The following CLIP1 variants were observed in gnomAD, a reference collection of about 807,000 sequenced individuals.
The protein encoded by CLIP1 is CAP-Gly domain containing linker protein 1, also known as CAP-Gly domain-containing linker protein 1.
In CLIP1, 66 loss-of-function variants were observed where a neutral mutation model predicts 161.6. The ratio of observed to expected loss-of-function variants is 0.41; its 90% CI spans 0.33 to 0.50. The LOEUF (loss-of-function observed/expected upper bound fraction) is 0.50. Ranked by LOEUF, CLIP1 falls within the 20% of genes least tolerant of loss-of-function variation. CLIP1 has a pLI of 0.27. For synonymous variants in CLIP1, 598 were observed against 626.2 expected (o/e 0.96, Z 0.67); for missense variants, 1,376 against 1,702.0 (o/e 0.81, Z 3.37).
At chr12:122,276,543 A>G in intron 24 of CLIP1, 3 of 1,213,736 alleles carry the variant, frequency 2.5e-6, no homozygotes, top group Non-Finnish European at 3.2e-6. Context: ...CCCAGTAGAC[A>G]TACAAAGAGG....
At position 122,330,597 on chromosome 12, in the gene CLIP1, G is replaced by GTTTTTTTTTTTTTTTTTTT. The variant is rs71082966; in HGVS notation, c.2868-2190_2868-2172dup. Among the ~76,000 whole-genome samples, 54 of 101,380 alleles carry GTTTTTTTTTTTTTTTTTTT rather than the reference G, an allele frequency of 5.3e-4. 6 individuals carry two copies. The highest frequency in any genetic ancestry group is 2.4e-3 in the African/African-American group (54 of 22,780). 66.5% of individuals were successfully genotyped at this position (101,380 alleles called of 152,430 possible). A position where few individuals can be genotyped will look rare whatever the true frequency, so the allele number is the denominator to read the frequency against. Reference sequence around the variant, plus strand: ...TTCAGCACTGAAGAAGTATAATGCAGTTTTTTTTTTTTTTTTTTTTGAGAT... The same window carrying GTTTTTTTTTTTTTTTTTTT: ...TTCAGCACTGAAGAAGTATAATGCAGTTTTTTTTTTTTTTTTTTTTTTTTTTTTTTTTTTTTTTTGAGAT... On this transcript the variant is annotated intron_variant, in intron 15 of 25. Transcript: ENST00000620786.
chr12:122,304,400 G>A (rs1230228274), intron 20 of CLIP1, among the ~76,000 whole-genome samples: 8 of 152,014 alleles, frequency 5.3e-5, no homozygotes, highest in Non-Finnish European at 1.0e-4. Flanking sequence ...TTGCTCTGTC[G>A]CCCAGGCTGG....
At chr12:122,368,987 G>C (rs1954300244) in intron 3 of CLIP1, among the ~76,000 whole-genome samples, 1 of 151,158 alleles carries the variant, frequency 6.6e-6, no homozygotes, top group South Asian at 2.1e-4. Context: ...TTAATTGCCT[G>C]TGACATGAAA....
At chr12:122,381,396 GTTT>G (rs1955007822) in intron 1 of CLIP1, among the ~76,000 whole-genome samples, 1 of 152,118 alleles carries the variant, frequency 6.6e-6, no homozygotes, top group Non-Finnish European at 1.5e-5. Flanking sequence ...AAATTACCTT[GTTT>G]CTATCTAGAA....
Position 122,377,701 on chromosome 12 carries a change from C to G in CLIP1, c.345G>C (p.Lys115Asn). The change falls in exon 3 of 26, where the codon AAG (lysine) becomes AAC (asparagine). Residue 115 changes from lysine (K) to asparagine (N), a missense_variant. By Grantham distance (94) the Lys-to-Asn change is moderately conservative. Transcript: ENST00000620786. The part of the protein sequence containing the change: ...GVRYFQCEPL[K>N]GIFTRPSKLT... ...ACTTTGAAGGTCGGGTAAATATGCCCTTTAAAGGTTCACACTGGAAATACC... is the reference window on the plus strand; with the variant it reads ...ACTTTGAAGGTCGGGTAAATATGCCGTTTAAAGGTTCACACTGGAAATACC... 1.2e-6 allele frequency: 2 copies of G among 1,613,774 alleles called. No homozygotes were observed. The highest frequency in any genetic ancestry group is 1.1e-5 in the South Asian group (1 of 91,058).
At chr12:122,376,628 G>C (rs978877115) in intron 3 of CLIP1, among the ~76,000 whole-genome samples, 1 of 151,532 alleles carries the variant, frequency 6.6e-6, no homozygotes, top group Non-Finnish European at 1.5e-5. Context: ...CACCATGCCC[G>C]GCTAATTTTT....
In CLIP1 at chr12:122,309,913, A is replaced by G. The variant is rs369543018; in HGVS notation, c.3474-31T>C. The G allele has an allele frequency of 3.0e-5, 48 of 1,611,862 alleles. No homozygotes were observed. The African/African-American group carries it at 5.1e-4, about 17-fold the overall frequency. On this transcript the variant is annotated intron_variant, in intron 19 of 25. Coordinates refer to ENST00000620786, the MANE Select transcript of CLIP1 (RefSeq NM_001247997.2). ...AGGACAGTGAGTGCAGGGTTACCAT[A>G]GAAACAAGACAGGCAAGGAAACTGT...
intron 2 of CLIP1, among the ~76,000 whole-genome samples, chr12:122,379,910 C>T (rs7969173): frequency 0.049 from 6,786 of 139,628 alleles, 507 homozygotes; most frequent in African/African-American, 0.17. Context: ...TGCCACTGCA[C>T]TCCAGCCTGG....
chr12:122,297,077 T>C (rs61954394), intron 20 of CLIP1, among the ~76,000 whole-genome samples: 10,218 of 151,922 alleles, frequency 0.067, 358 homozygotes, highest in Middle Eastern at 0.13. Context: ...AAGGGAGAGT[T>C]AAAGAAAAAT....
chr12:122,376,222 C>A (rs950859127), intron 3 of CLIP1, among the ~76,000 whole-genome samples: 2 of 152,108 alleles, frequency 1.3e-5, no homozygotes, highest in Non-Finnish European at 2.9e-5. Context: ...CAGGAATGAG[C>A]CACCCCGCCC....
chr12:122,276,169 C>A (rs1256401121), intron 24 of CLIP1, among the ~76,000 whole-genome samples: 1 of 152,118 alleles, frequency 6.6e-6, no homozygotes, highest in Non-Finnish European at 1.5e-5. Flanking sequence ...AATATTTGGT[C>A]TTTTTCTCCT....
chr12:122,333,109 T>C lies in CLIP1; in HGVS notation c.2745A>G (p.Arg915=), dbSNP rs772949937. The change falls in exon 15 of 26, where the codon AGA becomes AGG. Residue 915 remains arginine (R), a synonymous_variant. Coordinates refer to ENST00000620786, the MANE Select transcript of CLIP1 (RefSeq NM_001247997.2). The part of the protein sequence containing the change: ...MEAKFREKDE[R]EEQLIKAKEK... ...CCTTTGCCTTTATCAGCTGCTCTTC[T>C]CTCTCATCTTTCTCTCTAAATTTTG... is the stretch of plus-strand genomic sequence containing the variant. 3 of 1,613,248 alleles carry C rather than the reference T, an allele frequency of 1.9e-6. No individual in the cohort carries two copies. Among genetic ancestry groups the C allele is most frequent in the Non-Finnish European group, 2.5e-6 (3 of 1,179,636 alleles).
chr12:122,398,962 C>G (rs1337448548), intron 1 of CLIP1, among the ~76,000 whole-genome samples: 1 of 118,294 alleles, frequency 8.5e-6, no homozygotes, highest in African/African-American at 2.7e-5. Context: ...AAAAAAAAAC[C>G]TTAAGCAATT....
chr12:122,279,386 C>A lies in CLIP1; in HGVS notation c.3648-241G>T. Reference sequence around the variant, plus strand: ...GCCAGAGTCTGCATGTGATTGTATCCATTTGAACTTAAAGAAACAAGTTAA... The same window carrying A: ...GCCAGAGTCTGCATGTGATTGTATCAATTTGAACTTAAAGAAACAAGTTAA... On this transcript the variant is annotated intron_variant, in intron 21 of 25. Coordinates refer to ENST00000620786, the MANE Select transcript of CLIP1 (RefSeq NM_001247997.2). This position sits in a 1 kb window ranked among gnomAD's most constrained non-coding sequence, Gnocchi z 4.5. 3.9e-5 allele frequency: 8 copies of A among 204,072 alleles called. No individual in the cohort carries two copies. Among genetic ancestry groups the A allele is most frequent in the East Asian group, 9.8e-5 (1 of 10,248 alleles). The allele number at this position is 204,072 out of a possible 1,614,324, so 12.6% of individuals were successfully genotyped here.
rs1369232285 is a variant in CLIP1, at chr12:122,341,245, C to T, written c.1959G>A (p.Thr653=). 10 of 1,613,326 alleles carry T rather than the reference C, an allele frequency of 6.2e-6. No individual in the cohort carries two copies. Among genetic ancestry groups the T allele is most frequent in the Non-Finnish European group, 8.5e-6 (10 of 1,179,458 alleles). The stretch of plus-strand genomic sequence containing the variant: ...GTGTTTTTAGTTCAGCAAATTCTGC[C>T]GTCTCTGTTCCAAGCCCTTTGCTGA... ...VSFSKGLGTE[T]AEFAELKTQI... The change falls in exon 11 of 26, where the codon ACG becomes ACA. Residue 653 remains threonine, a synonymous_variant. Transcript: ENST00000620786.
At chr12:122,403,494 GTTTTGTTTT>G (rs906539743) in intron 1 of CLIP1, among the ~76,000 whole-genome samples, 14 of 55,816 alleles carry the variant, frequency 2.5e-4, no homozygotes, top group Non-Finnish European at 4.9e-4. Flanking sequence ...ATCATTTCTT[GTTTTGTTTT>G]TTTTTTTTTT....
intron 1 of CLIP1, chr12:122,395,601 C>T (rs1955881494): frequency 1.3e-5 from 2 of 152,174 alleles, no homozygotes; most frequent in South Asian, 4.1e-4. Context: ...AAATTATCCT[C>T]CCATCTGAGA....
At chr12:122,287,343 G>A (rs1163641647) in intron 21 of CLIP1, among the ~76,000 whole-genome samples, 2 of 152,136 alleles carry the variant, frequency 1.3e-5, no homozygotes, top group African/African-American at 2.4e-5. Context: ...TAAAACATAC[G>A]CTTCAGTAGG....
rs116807334 is a variant in CLIP1 at position 122,333,395 on chromosome 12, C to G, written c.2711-252G>C. Among the ~76,000 whole-genome samples, 1,305 of 152,254 alleles carry G rather than the reference C, an allele frequency of 8.6e-3. 16 individuals carry two copies. Among genetic ancestry groups the G allele is most frequent in the African/African-American group, 0.03 (1,246 of 41,554 alleles). On this transcript the variant is annotated intron_variant, in intron 14 of 25. Transcript: ENST00000620786. ...AAGGAGGTTAGAATCTCAGATGGGGCTTCCCTGAGGTGCTGACATTTCAGG... is the reference window on the plus strand; with the variant it reads ...AAGGAGGTTAGAATCTCAGATGGGGGTTCCCTGAGGTGCTGACATTTCAGG...
Sources: gnomAD v4.1 joint callset for allele counts (sites outside exome capture counted in the v4.1 genomes callset) on GRCh38, gnomAD v4.1.1 for gene constraint, Gnocchi (gnomAD v3.1) non-coding constraint, MANE v1.5 for transcripts, NCBI Gene and HGNC (gene_info 2026-07-23, HGNC 2026-07-21) for gene names.